The following SNTG1 variants were observed in gnomAD, a reference collection of about 807,000 sequenced individuals.
The protein encoded by SNTG1 is gamma-1-syntrophin.
SNTG1 carries 39 observed loss-of-function variants against 74.7 expected under a neutral mutation model. The observed-to-expected ratio is 0.52, with a 90% CI of 0.40 to 0.68. The LOEUF (loss-of-function observed/expected upper bound fraction) is 0.68, where lower values mean the gene tolerates loss of function less well. Among genes scored for constraint, SNTG1 ranks in the 30% least tolerant of loss-of-function variants. The pLI, the probability that SNTG1 is intolerant of heterozygous loss-of-function variation, is 0.00. For synonymous variants in SNTG1, 254 were observed against 217.1 expected (o/e 1.17, Z -1.49); for missense variants, 685 against 609.5 (o/e 1.12, Z -1.30).
rs1031334634 is a variant in SNTG1, at chr8:50,089,195, C to T, written c.-102-83366C>T. On this transcript the variant is annotated intron_variant, in intron 1 of 18. Transcript: ENST00000642720. ...TAATAAATGGGGCTGGGAAAACTGG[C>T]TAGCCATATGTAGAAAGCTGAAACT... Among the ~76,000 whole-genome samples the T allele has an allele frequency of 5.3e-3, 799 of 152,150 alleles. 11 individuals carry two copies. The highest frequency in any genetic ancestry group is 0.018 in the African/African-American group (755 of 41,500).
chr8:50,306,401 G>A (rs1161503371), intron 2 of SNTG1, among the ~76,000 whole-genome samples: 1 of 151,714 alleles, frequency 6.6e-6, no homozygotes, highest in Non-Finnish European at 1.5e-5. Flanking sequence ...TTTTTCTTTG[G>A]GTAGATAGCC....
At chr8:50,244,339 T>C (rs2086295264) in intron 2 of SNTG1, among the ~76,000 whole-genome samples, 1 of 152,126 alleles carries the variant, frequency 6.6e-6, no homozygotes, top group Admixed American at 6.6e-5. Context: ...ATCCAAATCA[T>C]GTCTGAGAAG....
chr8:50,056,458 G>A (rs1820031411), intron 1 of SNTG1, among the ~76,000 whole-genome samples: 1 of 152,092 alleles, frequency 6.6e-6, no homozygotes, highest in African/African-American at 2.4e-5. Context: ...ATATGACACA[G>A]CAGAAAAGCT....
At chr8:50,358,438 T>A (rs2091876377) in intron 2 of SNTG1, among the ~76,000 whole-genome samples, 1 of 152,156 alleles carries the variant, frequency 6.6e-6, no homozygotes, top group Non-Finnish European at 1.5e-5. Flanking sequence ...CAGTTTGATA[T>A]TTGGCCTTGA....
chr8:50,528,307 A>G (rs2094238724), intron 9 of SNTG1, among the ~76,000 whole-genome samples: 4 of 152,000 alleles, frequency 2.6e-5, no homozygotes, highest in Admixed American at 2.6e-4. Context: ...ATAGAGGAGC[A>G]CATCTATTCC....
At chr8:49,965,679 AT>A (rs1811074593) in intron 1 of SNTG1, among the ~76,000 whole-genome samples, 1 of 152,154 alleles carries the variant, frequency 6.6e-6, no homozygotes. Context: ...GAAATGTTCC[AT>A]TTTTAGATAA....
At chr8:50,410,374 G>A (rs547089309) in intron 4 of SNTG1, among the ~76,000 whole-genome samples, 3 of 151,966 alleles carry the variant, frequency 2.0e-5, no homozygotes, top group South Asian at 2.1e-4. Context: ...CAAAATACAC[G>A]TTGTCTATAT....
At chr8:50,053,623 T>TTGTG (rs60947505) in intron 1 of SNTG1, among the ~76,000 whole-genome samples, 2,225 of 134,434 alleles carry the variant, frequency 0.017, 56 homozygotes, top group African/African-American at 0.055. Context: ...ATATATATAA[T>TTGTG]TGTGTGTGTG....
Position 50,309,920 on chromosome 8 carries a change from T to A in SNTG1, c.-27-84292T>A, listed in dbSNP as rs563221272. ...AAAATATTGGACTGAGACAATTAAC[T>A]GGAAAACATTGTGTTTTAACTTCTG... On this transcript the variant is annotated intron_variant, in intron 2 of 18. Coordinates refer to ENST00000642720, the MANE Select transcript of SNTG1 (RefSeq NM_018967.5). Among the ~76,000 whole-genome samples the A allele has an allele frequency of 3.3e-5, 5 of 152,352 alleles. No homozygotes were observed. In the South Asian group the frequency reaches 1.0e-3, roughly 32 times the overall value.
At chr8:50,406,597 A>AT (rs1002744769) in intron 4 of SNTG1, among the ~76,000 whole-genome samples, 12 of 151,784 alleles carry the variant, frequency 7.9e-5, no homozygotes, top group Non-Finnish European at 1.2e-4. Context: ...AAAAGCAGGC[A>AT]TTTTTTTTCT....
Position 50,039,467 on chromosome 8 carries a change from A to C in SNTG1, c.-103+127236A>C, listed in dbSNP as rs1338384139. 4.0e-5 allele frequency among the ~76,000 whole-genome samples: 6 copies of C among 150,086 alleles called. 1 individual carries two copies. Among genetic ancestry groups the C allele is most frequent in the Admixed American group, 2.7e-4 (4 of 15,092 alleles). On this transcript the variant is annotated intron_variant, in intron 1 of 18. Transcript: ENST00000642720. ...AAGACTCCGTCTCAAAAAAAAAAAA[A>C]AAAAAAAAAAAAAAAACTCAAGTTA...
At chr8:50,720,414 C>T (rs1347249769) in intron 17 of SNTG1, among the ~76,000 whole-genome samples, 1 of 152,140 alleles carries the variant, frequency 6.6e-6, no homozygotes, top group Non-Finnish European at 1.5e-5. Flanking sequence ...TGAAGACATT[C>T]TTATTATGCA....
At chr8:49,978,289 A>AAGAGG (rs1313864111) in intron 1 of SNTG1, among the ~76,000 whole-genome samples, 2 of 151,622 alleles carry the variant, frequency 1.3e-5, no homozygotes, top group East Asian at 3.9e-4. Context: ...AGAAAGGGGG[A>AAGAGG]AGAGGAGAGG....
chr8:50,249,552 C>A (rs557486049), intron 2 of SNTG1, among the ~76,000 whole-genome samples: 18 of 152,208 alleles, frequency 1.2e-4, no homozygotes, highest in Middle Eastern at 3.2e-3. Context: ...CCCTTACAGA[C>A]CAGGCAGTGA....
chr8:50,687,268 C>T (rs1259993839), intron 15 of SNTG1, among the ~76,000 whole-genome samples: 4 of 149,174 alleles, frequency 2.7e-5, no homozygotes, highest in African/African-American at 4.9e-5. Flanking sequence ...AACAAAAAAT[C>T]GCAGAAAACA....
At chr8:50,445,017 C>T (rs1456988960) in intron 5 of SNTG1, among the ~76,000 whole-genome samples, 2 of 152,126 alleles carry the variant, frequency 1.3e-5, no homozygotes, top group Non-Finnish European at 2.9e-5. Flanking sequence ...TCTATCACTT[C>T]CAGAAGAAAT....
At position 50,448,944 on chromosome 8, in the gene SNTG1, C is replaced by T. The variant is rs370229496; in HGVS notation, c.220-724C>T. Reference sequence around the variant, plus strand: ...TCGGGAGGCTGAGGCAGGAGGATGGCGTGAACCCGGCAGGTGGAGGTTGCA... The same window carrying T: ...TCGGGAGGCTGAGGCAGGAGGATGGTGTGAACCCGGCAGGTGGAGGTTGCA... On this transcript the variant is annotated intron_variant, in intron 5 of 18. Coordinates refer to ENST00000642720, the MANE Select transcript of SNTG1 (RefSeq NM_018967.5). 2.7e-4 allele frequency among the ~76,000 whole-genome samples: 41 copies of T among 152,196 alleles called. No individual in the cohort carries two copies. The East Asian group carries it at 6.4e-3, about 24-fold the overall frequency.
chr8:50,015,188 G>T (rs1361089805), intron 1 of SNTG1, among the ~76,000 whole-genome samples: 1 of 151,940 alleles, frequency 6.6e-6, no homozygotes, highest in African/African-American at 2.4e-5. Context: ...TCAAGAAAGA[G>T]ATCAAAATAA....
chr8:50,163,690 G>A (rs2082508920), intron 1 of SNTG1: 1 of 151,998 alleles, frequency 6.6e-6, no homozygotes, highest in Non-Finnish European at 1.5e-5. Flanking sequence ...TCGCCATGTT[G>A]GCCAGGATTG....
Sources: gnomAD v4.1 joint callset for allele counts (sites outside exome capture counted in the v4.1 genomes callset) on GRCh38, gnomAD v4.1.1 for gene constraint, MANE v1.5 for transcripts, NCBI Gene and HGNC (gene_info 2026-07-23, HGNC 2026-07-21) for gene names.